The following KIF1B variants were observed in gnomAD, a reference collection of about 807,000 sequenced individuals.
KIF1B encodes the protein kinesin-like protein KIF1B.
In KIF1B, 76 loss-of-function variants were observed where a neutral mutation model predicts 241.9. The ratio of observed to expected loss-of-function variants is 0.31; its 90% CI spans 0.26 to 0.38. The LOEUF is 0.38. KIF1B is among the 10% of genes least tolerant of loss of function. The pLI is 1.00. For missense variants in KIF1B, 1,622 were observed against 2,271.4 expected (o/e 0.71, Z 5.81); for synonymous variants, 750 against 796.7 (o/e 0.94, Z 0.99).
At position 10,303,365 on chromosome 1, in the gene KIF1B, C is replaced by G; in HGVS notation, c.2115+6119C>G. ...CAAAGAAGGCGCTTGAGTAAAGATT[C>G]CAAGTGGGTCACAATCTCAGATCTT... On this transcript the variant is annotated intron_variant, in intron 22 of 48. Transcript: ENST00000676179. This position sits in a 1 kb window ranked among gnomAD's most constrained non-coding sequence, Gnocchi z 5.2. 1 of 1,614,142 alleles carries G rather than the reference C, an allele frequency of 6.2e-7. No individual in the cohort carries two copies. The highest frequency in any genetic ancestry group is 1.3e-5 in the African/African-American group (1 of 75,022).
chr1:10,356,997 A>T (rs1013608711), intron 38 of KIF1B, among the ~76,000 whole-genome samples: 1 of 152,130 alleles, frequency 6.6e-6, no homozygotes, highest in Non-Finnish European at 1.5e-5. Flanking sequence ...CTCCCTCCTC[A>T]GCCTCCCGAA....
intron 34 of KIF1B, chr1:10,344,829 T>C (rs1652529105): frequency 6.6e-6 from 1 of 152,190 alleles, no homozygotes; most frequent in Non-Finnish European, 1.5e-5. Context: ...AGTTTATAAA[T>C]GAGGAGACAG....
At position 10,374,602 on chromosome 1, in the gene KIF1B, G is replaced by T. The variant is rs1017281602; in HGVS notation, c.5096+137G>T. The T allele has an allele frequency of 6.3e-6, 7 of 1,113,574 alleles. No homozygotes were observed. In the Admixed American group the frequency reaches 1.1e-4, roughly 18 times the overall value. 69.0% of individuals were successfully genotyped at this position (1,113,574 alleles called of 1,614,324 possible). A position where few individuals can be genotyped will look rare whatever the true frequency, so the allele number is the denominator to read the frequency against. On this transcript the variant is annotated intron_variant, in intron 46 of 48. Transcript: ENST00000676179. The surrounding 1 kb of genome is among the most constrained non-coding windows in gnomAD (Gnocchi z 4.3). ...CTGTAGTCTGATGCAAGTTGAGTCT[G>T]GGGTGAGAGGGCCAGCCTGGGTTTC... is the stretch of plus-strand genomic sequence containing the variant.
rs1024583657 is a variant in KIF1B at position 10,365,856 on chromosome 1, G to T, written c.4752+208G>T. 1.1e-4 allele frequency among the ~76,000 whole-genome samples: 16 copies of T among 152,176 alleles called. No homozygotes were observed. Among genetic ancestry groups the T allele is most frequent in the African/African-American group, 3.9e-4 (16 of 41,442 alleles). Reference sequence around the variant, plus strand: ...TGATGCCTATTATCCCACCACTTTGGGAGGCTGAAGCAAAGGGATTGCTTG... The same window carrying T: ...TGATGCCTATTATCCCACCACTTTGTGAGGCTGAAGCAAAGGGATTGCTTG... On this transcript the variant is annotated intron_variant, in intron 43 of 48. Transcript: ENST00000676179. This position sits in a 1 kb window ranked among gnomAD's most constrained non-coding sequence, Gnocchi z 4.0.
chr1:10,323,223 G>T (rs534952477), intron 24 of KIF1B, among the ~76,000 whole-genome samples: 10 of 152,274 alleles, frequency 6.6e-5, no homozygotes, highest in African/African-American at 2.4e-4. Context: ...AAACCTTGCT[G>T]TGTTTTCATC....
chr1:10,257,342 CG>C (rs1647851256), intron 3 of KIF1B, among the ~76,000 whole-genome samples: 1 of 149,132 alleles, frequency 6.7e-6, no homozygotes, highest in Non-Finnish European at 1.5e-5. Context: ...GGCTTGGTGG[CG>C]GGTGCCTGTA....
chr1:10,262,025 A>G (rs550333007), intron 5 of KIF1B, 55 bp downstream of exon 5: 4 of 1,169,486 alleles, frequency 3.4e-6, no homozygotes, highest in South Asian at 1.2e-5. Flanking sequence ...TCTCTCAAGC[A>G]TCACTTAAAT....
intron 22 of KIF1B, chr1:10,304,793 G>A: frequency 1.3e-6 from 2 of 1,499,136 alleles, no homozygotes; most frequent in East Asian, 2.5e-5. Context: ...ACAAAACACT[G>A]GTAAAAGTTT....
At chr1:10,321,969 T>G (rs1569821670) in intron 24 of KIF1B, 112 bp downstream of exon 24, 1 of 1,195,722 alleles carries the variant, frequency 8.4e-7, no homozygotes, top group East Asian at 2.5e-5. Flanking sequence ...AGCTGCTTTG[T>G]GCTATAAAAC....
At chr1:10,212,890 G>GTATATATATATA (rs201066671) in intron 1 of KIF1B, among the ~76,000 whole-genome samples, 15 of 109,492 alleles carry the variant, frequency 1.4e-4, no homozygotes, top group Non-Finnish European at 2.3e-4. Flanking sequence ...ATGCGTGTGT[G>GTATATATATATA]TATATATATA....
intron 44 of KIF1B, among the ~76,000 whole-genome samples, chr1:10,369,650 G>A (rs564987497): frequency 1.3e-5 from 2 of 152,120 alleles, no homozygotes; most frequent in East Asian, 3.9e-4. Flanking sequence ...ACGGACTGGG[G>A]GGCTGGCTGC....
intron 22 of KIF1B, among the ~76,000 whole-genome samples, chr1:10,316,843 A>G (rs1210002260): frequency 6.6e-6 from 1 of 151,476 alleles, no homozygotes; most frequent in Non-Finnish European, 1.5e-5. Flanking sequence ...CAGTTATTAC[A>G]TCTGGGGTTG....
intron 22 of KIF1B, chr1:10,305,666 TA>T: frequency 9.5e-7 from 1 of 1,057,114 alleles, no homozygotes; most frequent in Non-Finnish European, 1.1e-6. Flanking sequence ...TGGTTAGCAT[TA>T]GTAATGCTTG....
intron 22 of KIF1B, among the ~76,000 whole-genome samples, chr1:10,301,071 G>A (rs1390362741): frequency 6.6e-6 from 1 of 152,136 alleles, no homozygotes; most frequent in African/African-American, 2.4e-5. Context: ...GTGATGATGT[G>A]TGCCTGTAGT....
chr1:10,312,973 T>C (rs192266075), intron 22 of KIF1B, among the ~76,000 whole-genome samples: 4 of 151,744 alleles, frequency 2.6e-5, no homozygotes, highest in South Asian at 2.1e-4. Flanking sequence ...TTGCCTGGGC[T>C]CAAGTCTCAT....
At chr1:10,305,373 T>G in intron 22 of KIF1B, 7 of 1,052,160 alleles carry the variant, frequency 6.7e-6, no homozygotes, top group Non-Finnish European at 8.0e-6. Context: ...GGGATTCTGT[T>G]TGTGGTTTGC....
chr1:10,243,571 A>G (rs1647167409), intron 2 of KIF1B, among the ~76,000 whole-genome samples: 1 of 152,218 alleles, frequency 6.6e-6, no homozygotes, highest in South Asian at 2.1e-4. Flanking sequence ...CCCATTTCAC[A>G]GATGAAGGAA....
intron 1 of KIF1B, among the ~76,000 whole-genome samples, chr1:10,222,076 A>G (rs930703562): frequency 2.6e-5 from 4 of 152,210 alleles, no homozygotes; most frequent in Admixed American, 6.5e-5. Flanking sequence ...GGAACTACTG[A>G]CTGCAACATA....
At chr1:10,296,830 G>C in intron 20 of KIF1B, 67 bp from the exon 21 acceptor site, 1 of 1,447,044 alleles carries the variant, frequency 6.9e-7, no homozygotes, top group East Asian at 2.4e-5. Flanking sequence ...GGAGGGGTGA[G>C]GTTGTTAAAT....
Sources: allele counts gnomAD v4.1 joint callset (sites outside exome capture counted in the v4.1 genomes callset), GRCh38; gene constraint gnomAD v4.1.1; non-coding constraint Gnocchi (gnomAD v3.1); transcripts MANE v1.5; gene names NCBI Gene and HGNC (gene_info 2026-07-23, HGNC 2026-07-21).